The following ZSCAN5A variants were observed in gnomAD, a reference collection of about 807,000 sequenced individuals.
The protein encoded by ZSCAN5A is zinc finger and SCAN domain containing 5A.
A neutral mutation model predicts 23.7 loss-of-function variants in ZSCAN5A; 12 were observed. The observed-to-expected ratio is 0.51, with a 90% CI of 0.32 to 0.82. The LOEUF is 0.82. Ranked by LOEUF, ZSCAN5A falls within the 40% of genes least tolerant of loss-of-function variation. The pLI, the probability that ZSCAN5A is intolerant of heterozygous loss-of-function variation, is 0.03. For synonymous variants in ZSCAN5A, 257 were observed against 239.9 expected (o/e 1.07, Z -0.66); for missense variants, 597 against 617.9 (o/e 0.97, Z 0.36).
At chr19:56,278,980 A>G (rs1047924770) in intron 2 of ZSCAN5A, among the ~76,000 whole-genome samples, 1 of 152,134 alleles carries the variant, frequency 6.6e-6, no homozygotes, top group Non-Finnish European at 1.5e-5. Flanking sequence ...CTTCCAACTC[A>G]CACCCCAATA....
rs972157870 is a variant in ZSCAN5A at position 56,221,336 on chromosome 19, T to C, written c.*239A>G. On this transcript the variant is annotated 3_prime_UTR_variant, in exon 6 of 6. Coordinates refer to ENST00000683990, the MANE Select transcript of ZSCAN5A (RefSeq NM_001322064.3). ...TGAAAACTAATAAGATGATCGTTTA[T>C]TGGAAGAACAGCAACACAAACCAAA... 2 of 451,832 alleles carry C rather than the reference T, an allele frequency of 4.4e-6. No individual in the cohort carries two copies. The highest frequency in any genetic ancestry group is 2.0e-5 in the African/African-American group (1 of 51,050). 28.0% of individuals were successfully genotyped at this position (451,832 alleles called of 1,614,324 possible).
intron 4 of ZSCAN5A, among the ~76,000 whole-genome samples, chr19:56,223,206 C>T (rs2033483884): frequency 6.6e-6 from 1 of 152,214 alleles, no homozygotes; most frequent in Non-Finnish European, 1.5e-5. Flanking sequence ...ACAAAAGCAT[C>T]TCCAGACATG....
chr19:56,368,017 A>G (rs191764405), intron 1 of ZSCAN5A: 1 of 152,194 alleles, frequency 6.6e-6, no homozygotes, highest in African/African-American at 2.4e-5. Flanking sequence ...TGAACCTGGT[A>G]CTGATATACG....
chr19:56,302,439 CCTTT>C (rs1027018963), intron 2 of ZSCAN5A, among the ~76,000 whole-genome samples: 13 of 130,698 alleles, frequency 9.9e-5, no homozygotes, highest in African/African-American at 3.7e-4. Flanking sequence ...TCCCTTCCTT[CCTTT>C]CTTCCTCTCT....
chr19:56,291,168 T>C (rs1021701394), intron 2 of ZSCAN5A, among the ~76,000 whole-genome samples: 4 of 152,130 alleles, frequency 2.6e-5, no homozygotes, highest in African/African-American at 9.7e-5. Context: ...AGCATTGAGT[T>C]GTACATATTT....
chr19:56,342,593 A>T (rs767640957), intron 2 of ZSCAN5A: 54 of 401,924 alleles, frequency 1.3e-4, no homozygotes, highest in Non-Finnish European at 2.4e-4. Flanking sequence ...GCAGAAGCTG[A>T]CTCTGAACAT....
At chr19:56,347,317 AGGCGCGG>A (rs1294546782) in intron 2 of ZSCAN5A, 1 of 152,236 alleles carries the variant, frequency 6.6e-6, no homozygotes. Context: ...ACAAGGTGAT[AGGCGCGG>A]GGCTTTGGGT....
At chr19:56,361,998 A>G (rs1242017038) in intron 2 of ZSCAN5A, among the ~76,000 whole-genome samples, 1 of 151,720 alleles carries the variant, frequency 6.6e-6, no homozygotes, top group Non-Finnish European at 1.5e-5. Flanking sequence ...TCTATTAAAA[A>G]ATACAAAAAA....
chr19:56,251,912 G>A (rs2036370452), intron 2 of ZSCAN5A, among the ~76,000 whole-genome samples: 1 of 152,100 alleles, frequency 6.6e-6, no homozygotes, highest in Non-Finnish European at 1.5e-5. Context: ...GCAAACCAGA[G>A]AAGAATATCC....
intron 2 of ZSCAN5A, among the ~76,000 whole-genome samples, chr19:56,334,748 A>G (rs1177625641): frequency 2.0e-5 from 3 of 152,206 alleles, no homozygotes; most frequent in South Asian, 2.1e-4. Flanking sequence ...CAGCAGCCCT[A>G]TAGAAAAGTG....
chr19:56,313,835 A>G (rs770763403), intron 1 of ZSCAN5A, among the ~76,000 whole-genome samples: 11 of 152,198 alleles, frequency 7.2e-5, no homozygotes, highest in Non-Finnish European at 1.6e-4. Flanking sequence ...ATGTCCAGAC[A>G]TTCATATCAG....
intron 2 of ZSCAN5A, among the ~76,000 whole-genome samples, chr19:56,305,457 T>C (rs924040786): frequency 1.3e-5 from 2 of 152,214 alleles, no homozygotes; most frequent in Non-Finnish European, 2.9e-5. Context: ...GGCATGGACA[T>C]AGCACACTTT....
intron 2 of ZSCAN5A, among the ~76,000 whole-genome samples, chr19:56,344,317 G>A (rs1156793838): frequency 6.6e-6 from 1 of 152,242 alleles, no homozygotes; most frequent in African/African-American, 2.4e-5. Context: ...ATTCAAGATA[G>A]AGCTATTTTT....
Position 56,221,642 on chromosome 19 carries a change from C to T in ZSCAN5A, c.1424G>A (p.Arg475Lys). The part of the protein sequence containing the change: ...EKPYKCSKCP[R>K]AFSRLKLLRR... ...TAACAATTTCAGCCGACTGAAGGCTCTTGGACACTTGGAACATTTGTAGGG... is the reference window on the plus strand; with the variant it reads ...TAACAATTTCAGCCGACTGAAGGCTTTTGGACACTTGGAACATTTGTAGGG... Residue 475 changes from arginine (R) to lysine (K), a missense_variant, in exon 6 of 6, where the codon AGA (arginine) becomes AAA (lysine). Arg to Lys is a conservative substitution (Grantham distance 26). Around this residue, in one of 5 missense-constraint regions of ZSCAN5A, gnomAD observed 87 missense variants for 74.4 expected, o/e 1.17. Transcript: ENST00000683990. 6.2e-7 allele frequency: 1 copy of T among 1,614,128 alleles called. No homozygotes were observed. The highest frequency in any genetic ancestry group is 8.5e-7 in the Non-Finnish European group (1 of 1,179,984).
At chr19:56,266,492 A>ACC (rs1555800308) in intron 2 of ZSCAN5A, 1 of 92,414 alleles carries the variant, frequency 1.1e-5, no homozygotes, top group Non-Finnish European at 2.1e-5. Context: ...AGATGCCCCC[A>ACC]CTTTTTTTTT....
chr19:56,346,816 C>T (rs1442308750), intron 2 of ZSCAN5A, among the ~76,000 whole-genome samples: 1 of 152,030 alleles, frequency 6.6e-6, no homozygotes, highest in Non-Finnish European at 1.5e-5. Context: ...TCACGCCATT[C>T]TCCTGGGTTC....
chr19:56,251,970 C>A (rs758583058), intron 2 of ZSCAN5A, among the ~76,000 whole-genome samples: 1 of 152,110 alleles, frequency 6.6e-6, no homozygotes, highest in Non-Finnish European at 1.5e-5. Context: ...ATTCTCTGCT[C>A]CTTTGTGGAA....
intron 2 of ZSCAN5A, among the ~76,000 whole-genome samples, chr19:56,339,272 CCAT>C (rs2041569760): frequency 6.6e-6 from 1 of 152,120 alleles, no homozygotes; most frequent in African/African-American, 2.4e-5. Context: ...GCAGCTGTAG[CCAT>C]ATTTAGCAAT....
At chr19:56,225,303 T>TG in intron 2 of ZSCAN5A, 130 bp from the exon 3 acceptor site, 1 of 795,756 alleles carries the variant, frequency 1.3e-6, no homozygotes, top group Non-Finnish European at 1.8e-6. Flanking sequence ...TCTTCCAGTG[T>TG]CTATACCTGA....
Sources: gnomAD v4.1 joint callset for allele counts (sites outside exome capture counted in the v4.1 genomes callset) on GRCh38, gnomAD v4.1.1 for gene constraint, gnomAD v4.1.1 regional missense constraint, MANE v1.5 for transcripts, NCBI Gene and HGNC (gene_info 2026-07-23, HGNC 2026-07-21) for gene names.